CADM2: variants seen among roughly 807,000 people sequenced by gnomAD.
CADM2 encodes the protein cell adhesion molecule 2, also known as immunoglobulin superfamily member 4D.
CADM2 carries 12 observed loss-of-function variants against 49.8 expected under a neutral mutation model. The observed-to-expected ratio is 0.24, with a 90% CI of 0.15 to 0.39. The LOEUF (loss-of-function observed/expected upper bound fraction) is 0.39, where lower values mean the gene tolerates loss of function less well. Among genes scored for constraint, CADM2 ranks in the 10% least tolerant of loss-of-function variants. The pLI, the probability that CADM2 is intolerant of heterozygous loss-of-function variation, is 1.00. For missense variants in CADM2, 378 were observed against 492.3 expected (o/e 0.77, Z 2.20); for synonymous variants, 214 against 175.4 (o/e 1.22, Z -1.74).
chr3:85,607,162 A>G (rs761054888), intron 1 of CADM2, among the ~76,000 whole-genome samples: 11 of 152,314 alleles, frequency 7.2e-5, no homozygotes, highest in Non-Finnish European at 2.9e-5. Context: ...AGATGAAGAC[A>G]TTAACATTTG....
At chr3:85,418,611 CT>C (rs34440822) in intron 1 of CADM2, among the ~76,000 whole-genome samples, 16,004 of 152,050 alleles carry the variant, frequency 0.11, 1,087 homozygotes, top group Non-Finnish European at 0.13. Flanking sequence ...GTGTATCATG[CT>C]TTCTAAATCA....
At chr3:85,321,116 A>ATTTTTTTTTTTT (rs1157576505) in intron 1 of CADM2, among the ~76,000 whole-genome samples, 1 of 27,502 alleles carries the variant, frequency 3.6e-5, no homozygotes, top group Non-Finnish European at 6.5e-5. Context: ...ATATATATAT[A>ATTTTTTTTTTTT]TTTTTTTTTT....
At chr3:85,893,677 G>C (rs548890738) in intron 5 of CADM2, among the ~76,000 whole-genome samples, 36 of 152,276 alleles carry the variant, frequency 2.4e-4, no homozygotes, top group African/African-American at 8.7e-4. Context: ...CCATCAAAAA[G>C]TGGGTGAAGG....
At chr3:85,810,924 C>G (rs893124603) in intron 3 of CADM2, among the ~76,000 whole-genome samples, 1 of 152,036 alleles carries the variant, frequency 6.6e-6, no homozygotes, top group African/African-American at 2.4e-5. Flanking sequence ...AGAAAATCTT[C>G]GGTTGTGGAT....
intron 8 of CADM2, among the ~76,000 whole-genome samples, chr3:86,011,806 C>T (rs959064989): frequency 6.6e-6 from 1 of 151,678 alleles, no homozygotes; most frequent in South Asian, 2.1e-4. Flanking sequence ...TGGAAACGTA[C>T]GAACATAAAT....
At chr3:85,773,122 G>T (rs1469480098) in intron 2 of CADM2, among the ~76,000 whole-genome samples, 1 of 151,806 alleles carries the variant, frequency 6.6e-6, no homozygotes, top group Non-Finnish European at 1.5e-5. Context: ...AGGAAAACAG[G>T]CTGACAAACA....
chr3:85,427,636 A>G (rs2036475142), intron 1 of CADM2, among the ~76,000 whole-genome samples: 1 of 152,126 alleles, frequency 6.6e-6, no homozygotes, highest in African/African-American at 2.4e-5. Flanking sequence ...TGTAACAGCT[A>G]TATTATCAAA....
chr3:85,493,865 C>T (rs950527101), intron 1 of CADM2, among the ~76,000 whole-genome samples: 4 of 152,146 alleles, frequency 2.6e-5, no homozygotes, highest in East Asian at 1.9e-4. Context: ...ATGCTTTCTC[C>T]TATCTGATAA....
intron 1 of CADM2, among the ~76,000 whole-genome samples, chr3:85,406,517 C>A (rs1017933949): frequency 1.3e-5 from 2 of 152,234 alleles, no homozygotes; most frequent in East Asian, 3.9e-4. Flanking sequence ...CCTTGCTGTA[C>A]GTGTTTGTAT....
At chr3:85,707,130 C>A (rs2066974149) in intron 1 of CADM2, among the ~76,000 whole-genome samples, 1 of 151,936 alleles carries the variant, frequency 6.6e-6, no homozygotes, top group African/African-American at 2.4e-5. Flanking sequence ...CCAAGCCCAA[C>A]CTTACTTTAT....
At chr3:85,383,202 T>C (rs2034001839) in intron 1 of CADM2, among the ~76,000 whole-genome samples, 1 of 152,278 alleles carries the variant, frequency 6.6e-6, no homozygotes, top group African/African-American at 2.4e-5. Flanking sequence ...AAGTTTGCTC[T>C]GACCATGAGG....
At chr3:85,899,502 C>T (rs768797147) in intron 5 of CADM2, among the ~76,000 whole-genome samples, 9 of 151,986 alleles carry the variant, frequency 5.9e-5, no homozygotes, top group Admixed American at 2.0e-4. Context: ...ACAGCATTTT[C>T]GTGCTTCTTT....
chr3:85,676,800 A>C (rs997090223), intron 1 of CADM2, among the ~76,000 whole-genome samples: 2 of 152,118 alleles, frequency 1.3e-5, no homozygotes, highest in Non-Finnish European at 2.9e-5. Flanking sequence ...AGTTGCTTTA[A>C]CACTTCTTTG....
intron 1 of CADM2, among the ~76,000 whole-genome samples, chr3:85,702,843 A>G (rs976636663): frequency 6.6e-6 from 1 of 152,186 alleles, no homozygotes; most frequent in African/African-American, 2.4e-5. Context: ...AATTAGTCAA[A>G]TGATCTCATA....
chr3:85,629,342 G>C (rs950542899), intron 1 of CADM2, among the ~76,000 whole-genome samples: 8 of 151,772 alleles, frequency 5.3e-5, no homozygotes, highest in Non-Finnish European at 1.0e-4. Flanking sequence ...AGATAGTAAA[G>C]TCATGCAATA....
intron 1 of CADM2, among the ~76,000 whole-genome samples, chr3:85,636,792 A>G (rs1421293434): frequency 1.3e-5 from 2 of 152,200 alleles, no homozygotes; most frequent in East Asian, 3.8e-4. Context: ...ATGATTGCCT[A>G]CAGTCTTCAA....
chr3:85,568,451 CTT>C (rs756543198), intron 1 of CADM2, among the ~76,000 whole-genome samples: 366 of 19,972 alleles, frequency 0.018, 5 homozygotes, highest in African/African-American at 0.033. Context: ...TTCTTTCTTT[CTT>C]TCTTTCTTTC....
At chr3:85,164,868 G>T (rs908536149) in intron 1 of CADM2, among the ~76,000 whole-genome samples, 15 of 151,822 alleles carry the variant, frequency 9.9e-5, no homozygotes, top group African/African-American at 3.6e-4. Context: ...AAGAGCATGT[G>T]AGTTTTTTTA....
chr3:85,878,289 C>T (rs528584954), intron 3 of CADM2, among the ~76,000 whole-genome samples: 1 of 152,084 alleles, frequency 6.6e-6, no homozygotes, highest in Admixed American at 6.6e-5. Context: ...AGGAGTTTTA[C>T]CTCATAGAGG....
Sources: gnomAD v4.1 joint callset for allele counts (sites outside exome capture counted in the v4.1 genomes callset) on GRCh38, gnomAD v4.1.1 for gene constraint, MANE v1.5 for transcripts, NCBI Gene and HGNC (gene_info 2026-07-23, HGNC 2026-07-21) for gene names.